Variants in APBB1IP observed in about 807,000 individuals in gnomAD.
The protein encoded by APBB1IP is amyloid beta A4 precursor protein-binding family B member 1-interacting protein.
A neutral mutation model predicts 64.9 loss-of-function variants in APBB1IP; 27 were observed. The observed-to-expected ratio is 0.42, with a 90% CI of 0.31 to 0.57. The LOEUF (loss-of-function observed/expected upper bound fraction) is 0.57, where lower values mean the gene tolerates loss of function less well. Among genes scored for constraint, APBB1IP ranks in the 20% least tolerant of loss-of-function variants. The probability of loss-of-function intolerance (pLI) is 0.20; values close to 1 mark genes in which losing one functional copy is unlikely to be tolerated. For missense variants in APBB1IP, 812 were observed against 845.5 expected, an observed-to-expected ratio of 0.96 and a Z score of 0.49; for synonymous variants, 392 against 331.0, an observed-to-expected ratio of 1.18 and a Z score of -2.00.
intron 8 of APBB1IP, among the ~76,000 whole-genome samples, chr10:26,521,743 A>G: frequency 6.6e-6 from 1 of 152,082 alleles, no homozygotes; most frequent in East Asian, 1.9e-4. Flanking sequence ...AAGTTTATTT[A>G]TTAAGTATTA....
intron 11 of APBB1IP, among the ~76,000 whole-genome samples, chr10:26,559,205 T>C (rs891585144): frequency 1.3e-5 from 2 of 152,102 alleles, no homozygotes; most frequent in African/African-American, 4.8e-5. Context: ...AGAGACAAGA[T>C]AGAGGTGAAA....
At chr10:26,566,680 T>C (rs984222298) in intron 14 of APBB1IP, among the ~76,000 whole-genome samples, 12 of 152,034 alleles carry the variant, frequency 7.9e-5, no homozygotes, top group African/African-American at 2.2e-4. Flanking sequence ...GGACAGAGGC[T>C]CCCCAGGGGG....
chr10:26,473,373 T>C (rs1294644485), intron 2 of APBB1IP, among the ~76,000 whole-genome samples: 5 of 152,220 alleles, frequency 3.3e-5, no homozygotes, highest in Non-Finnish European at 7.3e-5. Flanking sequence ...CTGGGCACTT[T>C]GGGAATTTCT....
chr10:26,566,936 G>T (rs760834666), intron 14 of APBB1IP, 25 bp from the exon 15 acceptor site: 17 of 1,542,426 alleles, frequency 1.1e-5, no homozygotes, highest in South Asian at 9.5e-5. Context: ...AAAAAAAAAT[G>T]AATGCTACTG....
At chr10:26,516,178 A>T (rs1048068181) in intron 8 of APBB1IP, among the ~76,000 whole-genome samples, 8 of 152,082 alleles carry the variant, frequency 5.3e-5, no homozygotes, top group Non-Finnish European at 8.8e-5. Context: ...TGCCCAGAAG[A>T]AAACAAACAA....
At chr10:26,514,835 G>GC (rs1172691343) in intron 8 of APBB1IP, among the ~76,000 whole-genome samples, 3 of 151,708 alleles carry the variant, frequency 2.0e-5, no homozygotes, top group African/African-American at 7.2e-5. Flanking sequence ...AAAGTTTTTC[G>GC]CCCCTAACTA....
intron 8 of APBB1IP, among the ~76,000 whole-genome samples, chr10:26,521,923 G>C (rs996797296): frequency 6.6e-6 from 1 of 151,954 alleles, no homozygotes; most frequent in Admixed American, 6.6e-5. Context: ...GCTAATTTTT[G>C]TATTTTTAGT....
chr10:26,513,443 T>C (rs1836285845), intron 7 of APBB1IP, 96 bp from the exon 8 acceptor site: 2 of 1,393,392 alleles, frequency 1.4e-6, no homozygotes, highest in Non-Finnish European at 2.0e-6. Context: ...AGGCACCTGA[T>C]GAAAGTCATG....
At chr10:26,522,070 G>A (rs939027479) in intron 8 of APBB1IP, among the ~76,000 whole-genome samples, 7 of 152,118 alleles carry the variant, frequency 4.6e-5, no homozygotes, top group African/African-American at 9.7e-5. Context: ...AAATAGATAC[G>A]AAGAATGCCA....
At chr10:26,482,151 A>G (rs1186963832) in intron 2 of APBB1IP, among the ~76,000 whole-genome samples, 1 of 152,190 alleles carries the variant, frequency 6.6e-6, no homozygotes, top group Non-Finnish European at 1.5e-5. Context: ...CTTTTGATTC[A>G]GTAACTACTT....
chr10:26,506,874 G>A (rs1355810688), intron 6 of APBB1IP, among the ~76,000 whole-genome samples: 1 of 152,148 alleles, frequency 6.6e-6, no homozygotes, highest in Non-Finnish European at 1.5e-5. Flanking sequence ...GAGTACCCAG[G>A]CAACCCTACC....
chr10:26,567,629 A>G lies in APBB1IP; in HGVS notation c.*141A>G, dbSNP rs1243893206. ...CTCACTGATGTGCTCAAGTACAGGC[A>G]TAACCATTAACCCAGTAGAGTTCAG... On this transcript the variant is annotated 3_prime_UTR_variant, in exon 15 of 15. Coordinates refer to ENST00000376236, the MANE Select transcript of APBB1IP (RefSeq NM_019043.4). The G allele has an allele frequency of 7.0e-7, 1 of 1,422,456 alleles. No homozygotes were observed. The highest frequency in any genetic ancestry group is 1.4e-5 in the African/African-American group (1 of 69,502). The allele number at this position is 1,422,456 out of a possible 1,614,324, so 88.1% of individuals were successfully genotyped here.
chr10:26,562,797 A>AAAAT (rs199563056), intron 14 of APBB1IP, among the ~76,000 whole-genome samples: 6,927 of 151,884 alleles, frequency 0.046, 200 homozygotes, highest in South Asian at 0.15. Flanking sequence ...ATCCAGTCTT[A>AAAAT]AAATAAATAA....
chr10:26,504,663 T>C (rs1207767028), intron 6 of APBB1IP, among the ~76,000 whole-genome samples: 2 of 151,546 alleles, frequency 1.3e-5, no homozygotes, highest in African/African-American at 4.9e-5. Flanking sequence ...TGAGCCAAGA[T>C]TGCACCACTG....
intron 2 of APBB1IP, among the ~76,000 whole-genome samples, chr10:26,457,652 C>T (rs1409736297): frequency 6.6e-6 from 1 of 152,178 alleles, no homozygotes; most frequent in Non-Finnish European, 1.5e-5. Context: ...GAAGAGGAGG[C>T]TGGAAGGAGG....
intron 2 of APBB1IP, among the ~76,000 whole-genome samples, chr10:26,465,122 T>C (rs1038961877): frequency 1.3e-5 from 2 of 152,202 alleles, no homozygotes; most frequent in Non-Finnish European, 2.9e-5. Context: ...GTGATTCCCA[T>C]GTAGACTGTG....
intron 2 of APBB1IP, among the ~76,000 whole-genome samples, chr10:26,468,427 G>A (rs1399960636): frequency 6.6e-6 from 1 of 152,104 alleles, no homozygotes; most frequent in Non-Finnish European, 1.5e-5. Flanking sequence ...AATGCTTCTT[G>A]AGCTAATGAG....
At position 26,487,526 on chromosome 10, in the gene APBB1IP, T is replaced by C. The variant is rs572976846; in HGVS notation, c.1-4801T>C. Among the ~76,000 whole-genome samples the C allele has an allele frequency of 5.9e-5, 9 of 152,264 alleles. No homozygotes were observed. The South Asian group carries it at 1.9e-3, about 32-fold the overall frequency. ...ATGACTGTACGTTTCAGCACAATTTTGATGTTGGCTCCACTTAATAACTCA... is the reference window on the plus strand; with the variant it reads ...ATGACTGTACGTTTCAGCACAATTTCGATGTTGGCTCCACTTAATAACTCA... On this transcript the variant is annotated intron_variant, in intron 2 of 14. Coordinates refer to ENST00000376236, the MANE Select transcript of APBB1IP (RefSeq NM_019043.4).
At chr10:26,454,459 C>T (rs1042782479) in intron 2 of APBB1IP, among the ~76,000 whole-genome samples, 2 of 151,670 alleles carry the variant, frequency 1.3e-5, no homozygotes, top group Non-Finnish European at 2.9e-5. Flanking sequence ...GCACTCCAGC[C>T]TGGACGACAG....
Sources: gnomAD v4.1 joint callset for allele counts (sites outside exome capture counted in the v4.1 genomes callset) on GRCh38, gnomAD v4.1.1 for gene constraint, MANE v1.5 for transcripts, NCBI Gene and HGNC (gene_info 2026-07-23, HGNC 2026-07-21) for gene names.